The following GIPC2 variants were observed in gnomAD, a reference collection of about 807,000 sequenced individuals.
GIPC2 encodes GIPC PDZ domain containing family member 2, also known as PDZ domain-containing protein GIPC2.
A neutral mutation model predicts 30.6 loss-of-function variants in GIPC2; 30 were observed. That is an observed-to-expected ratio of 0.98 (90% CI 0.73 to 1.33). The LOEUF (loss-of-function observed/expected upper bound fraction) is 1.33, where lower values mean the gene tolerates loss of function less well. Among genes scored for constraint, GIPC2 ranks in the 40% most tolerant of loss-of-function variants. GIPC2 has a pLI of 0.00. For missense variants in GIPC2, 414 were observed against 390.3 expected (o/e 1.06, Z -0.51); for synonymous variants, 167 against 150.0 (o/e 1.11, Z -0.83).
chr1:78,096,828 G>T (rs1215552099), intron 3 of GIPC2, among the ~76,000 whole-genome samples: 1 of 152,052 alleles, frequency 6.6e-6, no homozygotes, highest in Non-Finnish European at 1.5e-5. Flanking sequence ...TAGGGCTGTT[G>T]GTTAGAACAT....
At chr1:78,092,433 C>G (rs1662059640) in intron 2 of GIPC2, among the ~76,000 whole-genome samples, 1 of 152,132 alleles carries the variant, frequency 6.6e-6, no homozygotes, top group Non-Finnish European at 1.5e-5. Flanking sequence ...GGTGAAAGTT[C>G]CTGAGTGTTA....
At chr1:78,069,205 C>T in intron 1 of GIPC2, 3 of 477,124 alleles carry the variant, frequency 6.3e-6, no homozygotes, top group Non-Finnish European at 8.2e-6. Context: ...CACCCTTTCC[C>T]ATTCTCAGTT....
chr1:78,132,996 A>G (rs1407705685), intron 5 of GIPC2, among the ~76,000 whole-genome samples: 1 of 152,232 alleles, frequency 6.6e-6, no homozygotes. Context: ...GTTCTACTTC[A>G]GCAGTACTTC....
At chr1:78,127,468 T>C (rs1278424991) in intron 5 of GIPC2, among the ~76,000 whole-genome samples, 1 of 152,224 alleles carries the variant, frequency 6.6e-6, no homozygotes, top group Non-Finnish European at 1.5e-5. Context: ...CAGCTAAAAC[T>C]GGCCCATTTG....
chr1:78,052,713 A>C (rs895080408), intron 1 of GIPC2, among the ~76,000 whole-genome samples: 2 of 152,244 alleles, frequency 1.3e-5, no homozygotes, highest in African/African-American at 4.8e-5. Context: ...TATCCATCTT[A>C]GAAACTATGA....
chr1:78,045,509 C>G (rs1661051054), upstream of GIPC2: 2 of 964,240 alleles, frequency 2.1e-6, no homozygotes, highest in African/African-American at 1.8e-5. Context: ...AAGGGAAACT[C>G]AGAGGTGCCA....
intron 4 of GIPC2, among the ~76,000 whole-genome samples, chr1:78,124,796 AG>A (rs1202201461): frequency 2.0e-5 from 3 of 152,194 alleles, no homozygotes; most frequent in African/African-American, 7.2e-5. Flanking sequence ...ACTTGAGTCC[AG>A]GAATTGGAGA....
intron 3 of GIPC2, among the ~76,000 whole-genome samples, chr1:78,096,147 C>T (rs1352790251): frequency 6.6e-6 from 1 of 152,142 alleles, no homozygotes; most frequent in Non-Finnish European, 1.5e-5. Context: ...AAAAAGATGC[C>T]TTATACCAGT....
intron 3 of GIPC2, among the ~76,000 whole-genome samples, chr1:78,096,676 G>T (rs1350183402): frequency 6.6e-6 from 1 of 152,144 alleles, no homozygotes; most frequent in Non-Finnish European, 1.5e-5. Flanking sequence ...GACATGAGTA[G>T]AGTCAGTATA....
chr1:78,103,306 A>G (rs1662285156), intron 3 of GIPC2, among the ~76,000 whole-genome samples: 1 of 152,222 alleles, frequency 6.6e-6, no homozygotes, highest in African/African-American at 2.4e-5. Context: ...CTGTGAGCTC[A>G]GTTACTTAGG....
intron 3 of GIPC2, among the ~76,000 whole-genome samples, chr1:78,117,209 A>G (rs528226927): frequency 2.6e-5 from 4 of 152,244 alleles, no homozygotes; most frequent in Non-Finnish European, 4.4e-5. Flanking sequence ...AAAAGAAGAC[A>G]TATTGCCTAG....
chr1:78,112,617 T>A (rs1662492315), intron 3 of GIPC2: 1 of 499,226 alleles, frequency 2.0e-6, no homozygotes, highest in African/African-American at 1.9e-5. Context: ...CCCCACTGCT[T>A]GGTCCTTCCG....
intron 3 of GIPC2, among the ~76,000 whole-genome samples, chr1:78,118,164 C>A (rs1270353557): frequency 6.6e-6 from 1 of 151,130 alleles, no homozygotes; most frequent in Non-Finnish European, 1.5e-5. Context: ...CTCAAGCGAT[C>A]TGCCTGCTTT....
At chr1:78,094,839 C>T (rs1364705863) in intron 2 of GIPC2, 113 bp from the exon 3 acceptor site, 2 of 643,816 alleles carry the variant, frequency 3.1e-6, no homozygotes, top group Non-Finnish European at 5.4e-6. Flanking sequence ...CAGGCAGTCT[C>T]CCATCCAAGT....
chr1:78,088,677 T>A lies in GIPC2; in HGVS notation c.427-6275T>A, dbSNP rs185091245. Among the ~76,000 whole-genome samples, 50 of 152,180 alleles carry A rather than the reference T, an allele frequency of 3.3e-4. 1 individual carries two copies. Among genetic ancestry groups the A allele is most frequent in the Admixed American group, 4.6e-4 (7 of 15,284 alleles). On this transcript the variant is annotated intron_variant, in intron 2 of 5. Coordinates refer to ENST00000370759, the MANE Select transcript of GIPC2 (RefSeq NM_017655.6). ...CCCCAACATAGTGAGACTCTGTCTC[T>A]ACAGCAAATAGAAAAAATTAGCTGG...
At chr1:78,048,037 T>G in intron 1 of GIPC2, among the ~76,000 whole-genome samples, 1 of 152,232 alleles carries the variant, frequency 6.6e-6, no homozygotes, top group East Asian at 1.9e-4. Context: ...CTTAAGATTT[T>G]TGACTTCGCC....
intron 2 of GIPC2, among the ~76,000 whole-genome samples, chr1:78,093,330 G>A (rs1662075629): frequency 6.6e-6 from 1 of 152,092 alleles, no homozygotes; most frequent in Admixed American, 6.5e-5. Context: ...AGCGATATAA[G>A]TTTAATATGG....
intron 1 of GIPC2, among the ~76,000 whole-genome samples, chr1:78,066,753 GTTA>G (rs879719538): frequency 2.6e-5 from 4 of 152,182 alleles, no homozygotes; most frequent in Non-Finnish European, 5.9e-5. Flanking sequence ...GGAGCTGGAG[GTTA>G]TTATCCTTAG....
At position 78,136,875 on chromosome 1, in the gene GIPC2, A is replaced by C. The variant is rs1663016501; in HGVS notation, c.*1132A>C. ...TGAATGGTTTCAACAAAGATCATTTAATACAGCAGAGCATGGCATGACCAA... is the reference window on the plus strand; with the variant it reads ...TGAATGGTTTCAACAAAGATCATTTCATACAGCAGAGCATGGCATGACCAA... On this transcript the variant is annotated 3_prime_UTR_variant, in exon 6 of 6. Coordinates refer to ENST00000370759, the MANE Select transcript of GIPC2 (RefSeq NM_017655.6). 1 of 152,180 alleles carries C rather than the reference A, an allele frequency of 6.6e-6. No homozygotes were observed. Among genetic ancestry groups the C allele is most frequent in the African/African-American group, 2.4e-5 (1 of 41,462 alleles). 9.4% of individuals were successfully genotyped at this position (152,180 alleles called of 1,614,324 possible).
Sources: allele counts gnomAD v4.1 joint callset (sites outside exome capture counted in the v4.1 genomes callset), GRCh38; gene constraint gnomAD v4.1.1; transcripts MANE v1.5; gene names NCBI Gene and HGNC (gene_info 2026-07-23, HGNC 2026-07-21).